CCNT1: variants seen among roughly 807,000 people sequenced by gnomAD.
The protein encoded by CCNT1 is cyclin-T1.
In CCNT1, 18 loss-of-function variants were observed where a neutral mutation model predicts 67.3. The ratio of observed to expected loss-of-function variants is 0.27; its 90% CI spans 0.18 to 0.40. CCNT1 has a LOEUF of 0.40. Ranked by LOEUF, CCNT1 falls within the 10% of genes least tolerant of loss-of-function variation. The pLI, the probability that CCNT1 is intolerant of heterozygous loss-of-function variation, is 1.00. For missense variants in CCNT1, 744 were observed against 884.9 expected (o/e 0.84, Z 2.02); for synonymous variants, 333 against 310.3 (o/e 1.07, Z -0.77).
At chr12:48,715,264 G>C (rs1193655406) in intron 1 of CCNT1, among the ~76,000 whole-genome samples, 3 of 152,122 alleles carry the variant, frequency 2.0e-5, no homozygotes, top group Non-Finnish European at 4.4e-5. Context: ...CGATAAAACA[G>C]ACACCCATTT....
rs1482257777 is a variant in CCNT1 at position 48,693,871 on chromosome 12, T to G, written c.1343A>C (p.Glu448Ala). 1.2e-6 allele frequency: 2 copies of G among 1,613,956 alleles called. No individual in the cohort carries two copies. Among genetic ancestry groups the G allele is most frequent in the African/African-American group, 1.3e-5 (1 of 74,926 alleles). The stretch of plus-strand genomic sequence containing the variant: ...GTCAGCCTTTTCCAGAAAAGGCCGC[T>G]CGGGGTTTTCTGAACCCTCTATGGG... ...KMPIEGSENP[E>A]RPFLEKADKT... Residue 448 changes from glutamate (E) to alanine (A), a missense_variant, in exon 9 of 9, where the codon GAG (glutamate) becomes GCG (alanine). Glu to Ala is a moderately radical substitution (Grantham distance 107, BLOSUM62 -1). Around this residue, in one of 3 missense-constraint regions of CCNT1, gnomAD observed 564 missense variants for 574.2 expected, o/e 0.98. Transcript: ENST00000261900.
intron 2 of CCNT1, among the ~76,000 whole-genome samples, chr12:48,706,773 T>C (rs1940367030): frequency 6.6e-6 from 1 of 152,244 alleles, no homozygotes; most frequent in African/African-American, 2.4e-5. Flanking sequence ...TTTTACTGAC[T>C]AGAACTGATA....
At chr12:48,703,132 T>C (rs1940297994) in intron 3 of CCNT1, among the ~76,000 whole-genome samples, 1 of 150,780 alleles carries the variant, frequency 6.6e-6, no homozygotes, top group Non-Finnish European at 1.5e-5. Flanking sequence ...AAGCTCAGGG[T>C]GGCCGGGTGC....
intron 1 of CCNT1, 81 bp downstream of exon 1, chr12:48,716,434 C>A: frequency 1.6e-6 from 2 of 1,288,842 alleles, no homozygotes; most frequent in South Asian, 1.6e-5. Context: ...CCACTTTCGT[C>A]CCCCCCACAG....
At chr12:48,701,177 G>T in intron 3 of CCNT1, 104 bp from the exon 4 acceptor site, 1 of 477,300 alleles carries the variant, frequency 2.1e-6, no homozygotes, top group Non-Finnish European at 3.9e-6. Context: ...TAAAAGGCAT[G>T]AGTGGAGTTA....
intron 6 of CCNT1, among the ~76,000 whole-genome samples, chr12:48,696,915 C>A (rs1179588597): frequency 6.6e-6 from 1 of 152,162 alleles, no homozygotes; most frequent in Non-Finnish European, 1.5e-5. Context: ...TCACAGCACC[C>A]TCTGCCTCCT....
At chr12:48,701,096 T>C (rs745650806) in intron 3 of CCNT1, 23 bp from the exon 4 acceptor site, 4 of 1,466,304 alleles carry the variant, frequency 2.7e-6, no homozygotes, top group Non-Finnish European at 3.8e-6. Flanking sequence ...AGACAGAAAT[T>C]ATTCCCTACA....
intron 2 of CCNT1, among the ~76,000 whole-genome samples, chr12:48,706,318 T>C (rs1940359856): frequency 6.6e-6 from 1 of 152,206 alleles, no homozygotes; most frequent in Non-Finnish European, 1.5e-5. Context: ...TAACTGCTAA[T>C]AGGTGAGGAG....
rs1388238505 is a variant in CCNT1, at chr12:48,700,163, C to G, written c.434-323G>C. Among the ~76,000 whole-genome samples the G allele has an allele frequency of 2.0e-5, 3 of 151,742 alleles. No individual in the cohort carries two copies. In the East Asian group the frequency reaches 5.8e-4, roughly 29 times the overall value. On this transcript the variant is annotated intron_variant, in intron 4 of 8. Transcript: ENST00000261900. ...TGAAACCCTATCTCTACTAAAAATA[C>G]AAAAATTTAGCTGGGCGTGGTGGCG...
intron 2 of CCNT1, among the ~76,000 whole-genome samples, chr12:48,707,250 T>C (rs974482628): frequency 1.3e-5 from 2 of 151,754 alleles, no homozygotes; most frequent in Admixed American, 6.6e-5. Flanking sequence ...TTAAATACAT[T>C]AGATAATCGG....
chr12:48,699,584 C>T (rs1221451587), intron 5 of CCNT1, among the ~76,000 whole-genome samples, 194 bp downstream of exon 5: 3 of 152,196 alleles, frequency 2.0e-5, no homozygotes, highest in Non-Finnish European at 4.4e-5. Flanking sequence ...TTCTCTTTAA[C>T]TAGAGATCAT....
intron 3 of CCNT1, 38 bp from the exon 4 acceptor site, chr12:48,701,111 C>T (rs1940258601): frequency 8.1e-7 from 1 of 1,232,632 alleles, no homozygotes; most frequent in Non-Finnish European, 1.2e-6. Context: ...CCTACAAAGG[C>T]ACAATATATA....
rs1042881533 is a variant in CCNT1 at position 48,690,777 on chromosome 12, T to C, written c.*2256A>G. 2.0e-5 allele frequency: 3 copies of C among 152,232 alleles called. No homozygotes were observed. The highest frequency in any genetic ancestry group is 7.2e-5 in the African/African-American group (3 of 41,470). The allele number at this position is 152,232 out of a possible 1,614,324, so 9.4% of individuals were successfully genotyped here. ...TAACTGCTATGAGGCCAAATGATTA[T>C]GTGCCTCTGTGGTAAAGGAGTGCAT... On this transcript the variant is annotated 3_prime_UTR_variant, in exon 9 of 9. Coordinates refer to ENST00000261900, the MANE Select transcript of CCNT1 (RefSeq NM_001240.4).
At position 48,692,985 on chromosome 12, in the gene CCNT1, T is replaced by A; in HGVS notation, c.*48A>T. On this transcript the variant is annotated 3_prime_UTR_variant, in exon 9 of 9. Transcript: ENST00000261900. Reference sequence around the variant, plus strand: ...TTAGTCCAAAAAAAAAAAAGAAAAATTATGTGTTTTTTTAAAGAAGTTTTT... The same window carrying A: ...TTAGTCCAAAAAAAAAAAAGAAAAAATATGTGTTTTTTTAAAGAAGTTTTT... 4 of 1,210,654 alleles carry A rather than the reference T, an allele frequency of 3.3e-6. No homozygotes were observed. The highest frequency in any genetic ancestry group is 3.4e-6 in the Non-Finnish European group (3 of 881,974). The allele number at this position is 1,210,654 out of a possible 1,614,324, so 75.0% of individuals were successfully genotyped here.
At chr12:48,710,891 T>C (rs992509651) in intron 2 of CCNT1, among the ~76,000 whole-genome samples, 2 of 151,982 alleles carry the variant, frequency 1.3e-5, no homozygotes, top group Non-Finnish European at 2.9e-5. Context: ...TGAAACCCCG[T>C]CTCTACTAAA....
chr12:48,709,249 G>A (rs945016810), intron 2 of CCNT1, among the ~76,000 whole-genome samples: 5 of 152,216 alleles, frequency 3.3e-5, no homozygotes, highest in Middle Eastern at 3.4e-3. Context: ...AGGGGACTCC[G>A]TTTCAAAAAC....
At chr12:48,710,320 T>C (rs1940430202) in intron 2 of CCNT1, among the ~76,000 whole-genome samples, 1 of 152,182 alleles carries the variant, frequency 6.6e-6, no homozygotes, top group Non-Finnish European at 1.5e-5. Flanking sequence ...TCCTCTCACA[T>C]TTAAATTTGG....
chr12:48,699,128 A>G (rs549331012), intron 5 of CCNT1, among the ~76,000 whole-genome samples: 1 of 152,292 alleles, frequency 6.6e-6, no homozygotes, highest in African/African-American at 2.4e-5. Context: ...AGTCTTCTCA[A>G]TATTAACATA....
rs2137237360 is a variant in CCNT1, at chr12:48,705,756, T to C, written c.372+12A>G. 1 of 1,599,456 alleles carries C rather than the reference T, an allele frequency of 6.3e-7. No individual in the cohort carries two copies. The highest frequency in any genetic ancestry group is 8.5e-7 in the Non-Finnish European group (1 of 1,174,600). On this transcript the variant is annotated intron_variant, in intron 3 of 8. Transcript: ENST00000261900. ...AAAATTAAGAAAAACAGATGTGTAA[T>C]TAATCTCCTACCTCACTTCTAGTAT...
Sources: gnomAD v4.1 joint callset for allele counts (sites outside exome capture counted in the v4.1 genomes callset) on GRCh38, gnomAD v4.1.1 for gene constraint, gnomAD v4.1.1 regional missense constraint, MANE v1.5 for transcripts, NCBI Gene and HGNC (gene_info 2026-07-23, HGNC 2026-07-21) for gene names.